The following GRM5 variants were observed in gnomAD, a reference collection of about 807,000 sequenced individuals.
The protein encoded by GRM5 is metabotropic glutamate receptor 5.
In GRM5, 19 loss-of-function variants were observed where a neutral mutation model predicts 83.1. The ratio of observed to expected loss-of-function variants is 0.23; its 90% CI spans 0.16 to 0.34. The LOEUF (loss-of-function observed/expected upper bound fraction) is 0.34. Among genes scored for constraint, GRM5 ranks in the 10% least tolerant of loss-of-function variants. The pLI is 1.00. For missense variants in GRM5, 1,160 were observed against 1,588.3 expected, an observed-to-expected ratio of 0.73 and a Z score of 4.58; for synonymous variants, 675 against 633.6, an observed-to-expected ratio of 1.07 and a Z score of -0.98.
At chr11:88,964,147 A>G (rs1354837472) in intron 2 of GRM5, among the ~76,000 whole-genome samples, 1 of 152,160 alleles carries the variant, frequency 6.6e-6, no homozygotes, top group Non-Finnish European at 1.5e-5. Flanking sequence ...TAGGTTGAAA[A>G]ATAATAGTAG....
intron 3 of GRM5, among the ~76,000 whole-genome samples, chr11:88,713,387 A>G (rs1243145775): frequency 6.6e-6 from 1 of 152,000 alleles, no homozygotes; most frequent in Non-Finnish European, 1.5e-5. Context: ...TCTACCACTT[A>G]ATGTTTCTAT....
intron 2 of GRM5, among the ~76,000 whole-genome samples, chr11:88,897,805 C>T (rs1367728796): frequency 6.6e-6 from 1 of 151,920 alleles, no homozygotes; most frequent in African/African-American, 2.4e-5. Context: ...CCTTTCCCTT[C>T]CACCTTATAA....
At chr11:88,959,728 G>T (rs1938727597) in intron 2 of GRM5, among the ~76,000 whole-genome samples, 1 of 152,130 alleles carries the variant, frequency 6.6e-6, no homozygotes, top group African/African-American at 2.4e-5. Flanking sequence ...AGTTGAGTCA[G>T]CCAGAGACAC....
chr11:88,519,095 A>G (rs1430047475), intron 9 of GRM5, among the ~76,000 whole-genome samples: 1 of 150,794 alleles, frequency 6.6e-6, no homozygotes, highest in Non-Finnish European at 1.5e-5. Flanking sequence ...TAGCTAGACT[A>G]AGACTTTTAG....
At chr11:88,678,911 TAA>T (rs111407452) in intron 3 of GRM5, among the ~76,000 whole-genome samples, 1 of 146,144 alleles carries the variant, frequency 6.8e-6, no homozygotes, top group African/African-American at 2.5e-5. Flanking sequence ...TTGACTCATT[TAA>T]AAAAAAAAAG....
At chr11:88,542,807 G>A (rs2135134206) in intron 8 of GRM5, among the ~76,000 whole-genome samples, 1 of 152,308 alleles carries the variant, frequency 6.6e-6, no homozygotes, top group African/African-American at 2.4e-5. Context: ...GGTGGCTTAT[G>A]TCTGTACTCG....
intron 3 of GRM5, among the ~76,000 whole-genome samples, chr11:88,665,211 C>G (rs1041732513): frequency 2.4e-4 from 33 of 138,494 alleles, no homozygotes; most frequent in African/African-American, 8.9e-4. Flanking sequence ...GAATTTCTTT[C>G]TTTTTTTTCC....
intron 2 of GRM5, among the ~76,000 whole-genome samples, chr11:88,916,884 C>G (rs1333310954): frequency 6.6e-6 from 1 of 152,150 alleles, no homozygotes; most frequent in Non-Finnish European, 1.5e-5. Context: ...GATGACATTT[C>G]TAGACTCACC....
At position 88,826,707 on chromosome 11, in the gene GRM5, T is replaced by C. The variant is rs923926133; in HGVS notation, c.911+23199A>G. On this transcript the variant is annotated intron_variant, in intron 3 of 9. Coordinates refer to ENST00000305447, the MANE Select transcript of GRM5 (RefSeq NM_001143831.3). Reference sequence around the variant, plus strand: ...AAAGCACTAAATAAATATAAGGAATTAGTACTGTTATGGTTATGATATTGC... The same window carrying C: ...AAAGCACTAAATAAATATAAGGAATCAGTACTGTTATGGTTATGATATTGC... 6.6e-5 allele frequency among the ~76,000 whole-genome samples: 10 copies of C among 152,204 alleles called. No individual in the cohort carries two copies. The East Asian group carries it at 1.9e-3, about 29-fold the overall frequency.
chr11:89,054,092 A>T (rs1283425237), intron 1 of GRM5, among the ~76,000 whole-genome samples: 2 of 152,192 alleles, frequency 1.3e-5, no homozygotes, highest in Non-Finnish European at 2.9e-5. Context: ...TTCTACCTAA[A>T]ATTTTAACAA....
At chr11:88,953,612 A>G (rs1364655310) in intron 2 of GRM5, among the ~76,000 whole-genome samples, 2 of 152,164 alleles carry the variant, frequency 1.3e-5, no homozygotes, top group East Asian at 3.9e-4. Flanking sequence ...AGGCACTACC[A>G]CAGTGCTCCA....
chr11:88,844,287 A>G (rs1343423081), intron 3 of GRM5, among the ~76,000 whole-genome samples: 1 of 152,108 alleles, frequency 6.6e-6, no homozygotes, highest in Admixed American at 6.5e-5. Context: ...AAAAAAACAA[A>G]GCCTGGGTGA....
intron 4 of GRM5, among the ~76,000 whole-genome samples, chr11:88,605,392 A>G (rs1938113719): frequency 6.6e-6 from 1 of 151,742 alleles, no homozygotes; most frequent in Non-Finnish European, 1.5e-5. Flanking sequence ...TGGCGATACT[A>G]GATATTCCAC....
At chr11:88,568,062 C>G in intron 7 of GRM5, 70 bp from the exon 8 acceptor site, 3 of 947,076 alleles carry the variant, frequency 3.2e-6, no homozygotes, top group Non-Finnish European at 4.8e-6. Context: ...CCCTAAGTTA[C>G]AAGCAGCTGT....
chr11:88,760,370 A>T (rs1398960254), intron 3 of GRM5, among the ~76,000 whole-genome samples: 1 of 152,130 alleles, frequency 6.6e-6, no homozygotes, highest in Non-Finnish European at 1.5e-5. Context: ...GAAATGACAA[A>T]GGTGATTTTA....
chr11:88,519,605 T>G (rs1941624316), intron 9 of GRM5, among the ~76,000 whole-genome samples: 1 of 152,104 alleles, frequency 6.6e-6, no homozygotes, highest in African/African-American at 2.4e-5. Context: ...TTGGCTGCTT[T>G]TATAGGTAAA....
chr11:88,558,812 A>AG (rs1179924109), intron 8 of GRM5, among the ~76,000 whole-genome samples: 1 of 150,634 alleles, frequency 6.6e-6, no homozygotes, highest in African/African-American at 2.4e-5. Flanking sequence ...AAAAAAAAAA[A>AG]AAAAAAAAAA....
At chr11:88,689,583 C>A (rs998835909) in intron 3 of GRM5, among the ~76,000 whole-genome samples, 6 of 152,178 alleles carry the variant, frequency 3.9e-5, no homozygotes, top group Non-Finnish European at 7.3e-5. Context: ...TGTCACTCAT[C>A]AACTTCTTTA....
At chr11:88,755,319 A>G (rs1023250845) in intron 3 of GRM5, among the ~76,000 whole-genome samples, 4 of 152,142 alleles carry the variant, frequency 2.6e-5, no homozygotes, top group Admixed American at 2.0e-4. Flanking sequence ...AAAAACATAA[A>G]GTAGAACGAC....
Sources: gnomAD v4.1 joint callset for allele counts (sites outside exome capture counted in the v4.1 genomes callset) on GRCh38, gnomAD v4.1.1 for gene constraint, MANE v1.5 for transcripts, NCBI Gene and HGNC (gene_info 2026-07-23, HGNC 2026-07-21) for gene names.